The following SKI variants were observed in gnomAD, a reference collection of about 807,000 sequenced individuals.
SKI encodes ski oncogene.
SKI carries 23 observed loss-of-function variants against 59.3 expected under a neutral mutation model. The observed-to-expected ratio is 0.39, with a 90% CI of 0.28 to 0.55. SKI has a LOEUF of 0.55. Among genes scored for constraint, SKI ranks in the 20% least tolerant of loss-of-function variants. The pLI, the probability that SKI is intolerant of heterozygous loss-of-function variation, is 0.67. For missense variants in SKI, 1,017 were observed against 1,038.9 expected (o/e 0.98, Z 0.29); for synonymous variants, 673 against 488.6 (o/e 1.38, Z -4.98).
chr1:2,242,688 A>AT (rs765379359), intron 1 of SKI, among the ~76,000 whole-genome samples: 108 of 151,666 alleles, frequency 7.1e-4, no homozygotes, highest in Non-Finnish European at 1.2e-3. Flanking sequence ...CCTGGCGGAT[A>AT]TTTTTTTTAA....
Position 2,267,894 on chromosome 1 carries a change from G to A in SKI, c.970-35084G>A, listed in dbSNP as rs938136494. ...GTTCCAGGTCACAGCTTGAACCTCAGGCCACCTCCAGTGGGAGGCTGGAGG... is the reference window on the plus strand; with the variant it reads ...GTTCCAGGTCACAGCTTGAACCTCAAGCCACCTCCAGTGGGAGGCTGGAGG... On this transcript the variant is annotated intron_variant, in intron 1 of 6. Coordinates refer to ENST00000378536, the MANE Select transcript of SKI (RefSeq NM_003036.4). The surrounding 1 kb of genome is among the most constrained non-coding windows in gnomAD (Gnocchi z 4.1). Among the ~76,000 whole-genome samples, 2 of 152,210 alleles carry A rather than the reference G, an allele frequency of 1.3e-5. No individual in the cohort carries two copies. Among genetic ancestry groups the A allele is most frequent in the African/African-American group, 4.8e-5 (2 of 41,458 alleles).
chr1:2,258,503 CTTTT>C (rs779297545), intron 1 of SKI, among the ~76,000 whole-genome samples: 3 of 134,940 alleles, frequency 2.2e-5, no homozygotes, highest in Admixed American at 7.4e-5. Context: ...TGTCATTTTC[CTTTT>C]TTTTTTTTTT....
chr1:2,305,319 G>C (rs2843158), intron 5 of SKI, among the ~76,000 whole-genome samples: 145,706 of 152,304 alleles, frequency 0.96, 69,756 homozygotes, highest in East Asian at 1. Context: ...GTTGTTCACC[G>C]GGCCCCGGCC....
chr1:2,258,715 C>T (rs573228464), intron 1 of SKI, among the ~76,000 whole-genome samples: 47 of 152,088 alleles, frequency 3.1e-4, no homozygotes, highest in African/African-American at 8.7e-4. Context: ...CCACCATGCC[C>T]GGCTAATTTT....
rs3065260 is a variant in SKI at position 2,260,535 on chromosome 1, CTTTTTTTTTT to C, written c.969+30814_969+30823del. ...TCCAATTTTTCAGTTTGTTCTTTTT[CTTTTTTTTTT>C]TTTTTTTTTTTTTGAGACAGGGTGT... On this transcript the variant is annotated intron_variant, in intron 1 of 6. Transcript: ENST00000378536. Among the ~76,000 whole-genome samples, 21 of 67,820 alleles carry C rather than the reference CTTTTTTTTTT, an allele frequency of 3.1e-4. No individual in the cohort carries two copies. In the East Asian group the frequency reaches 7.3e-3, roughly 24 times the overall value. 44.5% of individuals were successfully genotyped at this position (67,820 alleles called of 152,430 possible). A position where few individuals can be genotyped will look rare whatever the true frequency, so the allele number is the denominator to read the frequency against.
At chr1:2,297,476 C>T (rs893721869) in intron 1 of SKI, among the ~76,000 whole-genome samples, 2 of 152,210 alleles carry the variant, frequency 1.3e-5, no homozygotes, top group African/African-American at 4.8e-5. Context: ...GCGATCTCCT[C>T]GGAACCCAGA....
chr1:2,272,896 T>C (rs1392905856), intron 1 of SKI, among the ~76,000 whole-genome samples: 1 of 151,906 alleles, frequency 6.6e-6, no homozygotes, highest in East Asian at 1.9e-4. Context: ...CTCGCTGGCG[T>C]CTGTGCTTCT....
At chr1:2,255,447 C>G (rs925607508) in intron 1 of SKI, among the ~76,000 whole-genome samples, 2 of 152,164 alleles carry the variant, frequency 1.3e-5, no homozygotes, top group Non-Finnish European at 2.9e-5. Context: ...GTCTGGAGCA[C>G]ACTGTCCTGA....
rs1276237576 is a variant in SKI, at chr1:2,229,389, C to G, written c.623C>G (p.Ala208Gly). 6.2e-7 allele frequency: 1 copy of G among 1,605,078 alleles called. No individual in the cohort carries two copies. The highest frequency in any genetic ancestry group is 8.5e-7 in the Non-Finnish European group (1 of 1,176,084). The stretch of plus-strand genomic sequence containing the variant: ...AAGAAGGAGCTGGCCGCCAGCCTGG[C>G]GCTGGGCCTGGAGCTCAGCGAGCGC... ...PCKKELAASL[A>G]LGLELSERSV... is the part of the protein sequence containing the mutation. The change falls in exon 1 of 7, where the codon GCG (alanine) becomes GGG (glycine). Residue 208 changes from alanine to glycine, a missense_variant. Physicochemically the swap from Ala to Gly is moderately conservative, Grantham distance 60 (BLOSUM62 0). Coordinates refer to ENST00000378536, the MANE Select transcript of SKI (RefSeq NM_003036.4). The surrounding 1 kb of genome is among the most constrained non-coding windows in gnomAD (Gnocchi z 6.3).
intron 1 of SKI, among the ~76,000 whole-genome samples, chr1:2,278,948 G>A (rs1456691072): frequency 1.3e-5 from 2 of 152,204 alleles, no homozygotes; most frequent in Non-Finnish European, 2.9e-5. Flanking sequence ...GGATGCTGCC[G>A]CCTCCTGGAC....
intron 1 of SKI, among the ~76,000 whole-genome samples, chr1:2,253,617 TC>T (rs1639211913): frequency 1.3e-5 from 2 of 152,202 alleles, no homozygotes; most frequent in African/African-American, 4.8e-5. Flanking sequence ...GAGGACATCT[TC>T]CCAGCGCGTG....
intron 1 of SKI, among the ~76,000 whole-genome samples, chr1:2,235,999 A>G (rs1019864024): frequency 6.6e-6 from 1 of 152,186 alleles, no homozygotes; most frequent in African/African-American, 2.4e-5. Flanking sequence ...AACGGCCGAG[A>G]TTCTGTTCGG....
At chr1:2,232,320 G>A (rs775914504) in intron 1 of SKI, among the ~76,000 whole-genome samples, 1 of 152,224 alleles carries the variant, frequency 6.6e-6, no homozygotes, top group Non-Finnish European at 1.5e-5. Flanking sequence ...CCTTCCGGGT[G>A]TTTGTGGCCA....
chr1:2,232,136 T>C (rs1439854294), intron 1 of SKI, among the ~76,000 whole-genome samples: 1 of 152,264 alleles, frequency 6.6e-6, no homozygotes, highest in Non-Finnish European at 1.5e-5. Context: ...ACTCGTGTCT[T>C]GACAGCTTAT....
chr1:2,256,228 C>T (rs928056943), intron 1 of SKI, among the ~76,000 whole-genome samples: 1 of 151,188 alleles, frequency 6.6e-6, no homozygotes, highest in Admixed American at 6.6e-5. Context: ...GTCCTGACCT[C>T]ATTTCCTGTC....
intron 1 of SKI, among the ~76,000 whole-genome samples, chr1:2,259,075 C>T (rs183767177): frequency 3.5e-4 from 54 of 152,292 alleles, no homozygotes; most frequent in Admixed American, 2.3e-3. Flanking sequence ...TTCCCAGGTC[C>T]GAGGTAGGGA....
intron 1 of SKI, among the ~76,000 whole-genome samples, chr1:2,280,300 C>A (rs547027928): frequency 1.3e-5 from 2 of 151,696 alleles, no homozygotes; most frequent in African/African-American, 4.8e-5. Context: ...CGCTTGACCC[C>A]GGGAGGCGGA....
chr1:2,236,108 G>A (rs572346165), intron 1 of SKI, among the ~76,000 whole-genome samples: 1 of 152,208 alleles, frequency 6.6e-6, no homozygotes, highest in Non-Finnish European at 1.5e-5. Flanking sequence ...ATGCTGAATC[G>A]GGGCGTTTAG....
Position 2,228,859 on chromosome 1 carries a change from G to C in SKI, c.93G>C (p.Ser31=). 7.0e-7 allele frequency: 1 copy of C among 1,428,768 alleles called. No homozygotes were observed. The highest frequency in any genetic ancestry group is 9.2e-7 in the Non-Finnish European group (1 of 1,087,340). 88.5% of individuals were successfully genotyped at this position (1,428,768 alleles called of 1,614,324 possible). ...LEQFHLSSMS[S]LGGPAAFSAR... ...AGTTCCACCTGAGCTCCATGAGCTC[G>C]CTGGGCGGCCCGGCCGCTTTCTCGG... The change falls in exon 1 of 7, where the codon TCG becomes TCC. Residue 31 remains serine, a synonymous_variant. Coordinates refer to ENST00000378536, the MANE Select transcript of SKI (RefSeq NM_003036.4).
Sources: gnomAD v4.1 joint callset for allele counts (sites outside exome capture counted in the v4.1 genomes callset) on GRCh38, gnomAD v4.1.1 for gene constraint, Gnocchi (gnomAD v3.1) non-coding constraint, MANE v1.5 for transcripts, NCBI Gene and HGNC (gene_info 2026-07-23, HGNC 2026-07-21) for gene names.